Variants in TCERG1L observed in about 807,000 individuals in gnomAD.
The protein encoded by TCERG1L is transcription elongation regulator 1-like protein.
A neutral mutation model predicts 56.3 loss-of-function variants in TCERG1L; 37 were observed. That is an observed-to-expected ratio of 0.66 (90% CI 0.51 to 0.87). The LOEUF (loss-of-function observed/expected upper bound fraction) is 0.87, where lower values mean the gene tolerates loss of function less well. TCERG1L is among the 40% of genes least tolerant of loss of function. The pLI is 0.00. For synonymous variants in TCERG1L, 324 were observed against 326.3 expected, an observed-to-expected ratio of 0.99 and a Z score of 0.08; for missense variants, 799 against 774.2, an observed-to-expected ratio of 1.03 and a Z score of -0.38.
chr10:131,289,117 G>C (rs1846578436), intron 3 of TCERG1L, among the ~76,000 whole-genome samples: 1 of 151,410 alleles, frequency 6.6e-6, no homozygotes, highest in Non-Finnish European at 1.5e-5. Flanking sequence ...TTTAAAAACA[G>C]ATTGCTTCGC....
At chr10:131,136,289 C>G (rs1845674562) in intron 7 of TCERG1L, among the ~76,000 whole-genome samples, 1 of 152,222 alleles carries the variant, frequency 6.6e-6, no homozygotes, top group Non-Finnish European at 1.5e-5. Flanking sequence ...CACTTTATGC[C>G]CCCTGCTTCC....
intron 8 of TCERG1L, among the ~76,000 whole-genome samples, chr10:131,122,017 C>T (rs1845519433): frequency 6.6e-6 from 1 of 152,238 alleles, no homozygotes; most frequent in African/African-American, 2.4e-5. Flanking sequence ...ATGTCTCTTG[C>T]AGCCTCACTT....
intron 4 of TCERG1L, among the ~76,000 whole-genome samples, chr10:131,188,421 A>C (rs1013669980): frequency 6.6e-5 from 10 of 152,232 alleles, no homozygotes; most frequent in African/African-American, 2.4e-4. Context: ...CTGGAACTGT[A>C]TAGACCACAG....
At chr10:131,307,599 A>C (rs1035201665) in intron 3 of TCERG1L, among the ~76,000 whole-genome samples, 9 of 152,364 alleles carry the variant, frequency 5.9e-5, no homozygotes, top group African/African-American at 2.2e-4. Context: ...TTAAAAATTC[A>C]TAAGATGATT....
chr10:131,293,870 T>C (rs549742556), intron 3 of TCERG1L, among the ~76,000 whole-genome samples: 5 of 152,342 alleles, frequency 3.3e-5, no homozygotes, highest in African/African-American at 1.2e-4. Flanking sequence ...TAATTTTTAC[T>C]TCTGTTTCAC....
intron 6 of TCERG1L, chr10:131,161,362 G>T (rs762752932): frequency 6.6e-6 from 1 of 152,244 alleles, no homozygotes; most frequent in Non-Finnish European, 1.5e-5. Flanking sequence ...AAAGGATGTC[G>T]GATGCCACTG....
chr10:131,294,077 C>A (rs1043925245), intron 3 of TCERG1L, among the ~76,000 whole-genome samples: 1 of 152,026 alleles, frequency 6.6e-6, no homozygotes, highest in Non-Finnish European at 1.5e-5. Flanking sequence ...ATTATGAAAT[C>A]TTTCAACAAT....
At chr10:131,223,564 C>G (rs891473638) in intron 4 of TCERG1L, among the ~76,000 whole-genome samples, 3 of 150,728 alleles carry the variant, frequency 2.0e-5, no homozygotes, top group African/African-American at 7.4e-5. Flanking sequence ...AAACCAACAG[C>G]TACAAAAATA....
At chr10:131,141,417 C>T (rs189199032) in intron 7 of TCERG1L, among the ~76,000 whole-genome samples, 2 of 151,918 alleles carry the variant, frequency 1.3e-5, no homozygotes, top group African/African-American at 2.4e-5. Context: ...GGCTGCTGCG[C>T]GGGGTCACCC....
intron 4 of TCERG1L, among the ~76,000 whole-genome samples, chr10:131,207,154 C>G (rs975410323): frequency 1.3e-5 from 2 of 152,064 alleles, no homozygotes; most frequent in African/African-American, 4.8e-5. Context: ...ACCCCAATCC[C>G]CTCACTTGCC....
At chr10:131,303,389 T>C (rs1423426174) in intron 3 of TCERG1L, among the ~76,000 whole-genome samples, 1 of 152,066 alleles carries the variant, frequency 6.6e-6, no homozygotes, top group Non-Finnish European at 1.5e-5. Flanking sequence ...GATGATGAGC[T>C]TTTTTTATAT....
intron 3 of TCERG1L, among the ~76,000 whole-genome samples, chr10:131,273,064 G>T (rs1220252090): frequency 6.6e-6 from 1 of 152,206 alleles, no homozygotes; most frequent in African/African-American, 2.4e-5. Context: ...GTCCACAGTG[G>T]AGTGGGCCCG....
chr10:131,146,377 C>G, intron 7 of TCERG1L, 129 bp downstream of exon 7: 1 of 1,067,928 alleles, frequency 9.4e-7, no homozygotes, highest in South Asian at 2.7e-5. Flanking sequence ...ACTCTGCAAT[C>G]GGGCACAGGA....
At chr10:131,301,062 T>A (rs1012515717) in intron 3 of TCERG1L, among the ~76,000 whole-genome samples, 4 of 152,050 alleles carry the variant, frequency 2.6e-5, no homozygotes, top group Admixed American at 2.6e-4. Flanking sequence ...CAGCCTTACA[T>A]CCCTGCACCA....
chr10:131,285,465 G>GAAGAAAGAAAGA lies in TCERG1L; in HGVS notation c.670+22734_670+22745dup, dbSNP rs1212795487. Among the ~76,000 whole-genome samples, 26 of 103,986 alleles carry GAAGAAAGAAAGA rather than the reference G, an allele frequency of 2.5e-4. 1 individual carries two copies. Among genetic ancestry groups the GAAGAAAGAAAGA allele is most frequent in the African/African-American group, 1.0e-3 (26 of 25,052 alleles). 68.2% of individuals were successfully genotyped at this position (103,986 alleles called of 152,430 possible). A position where few individuals can be genotyped will look rare whatever the true frequency, so the allele number is the denominator to read the frequency against. ...AGAAACAAAGAAAGAGAGAGAAAGG[G>GAAGAAAGAAAGA]AAGAAAGAAAGAAAGAAAGAAAGAA... On this transcript the variant is annotated intron_variant, in intron 3 of 11. Transcript: ENST00000368642.
intron 6 of TCERG1L, among the ~76,000 whole-genome samples, chr10:131,159,139 G>A (rs1473384389): frequency 6.6e-6 from 1 of 152,240 alleles, no homozygotes; most frequent in Non-Finnish European, 1.5e-5. Context: ...GCAGGAAAAG[G>A]GGCAGTGTGC....
rs1482209914 is a variant in TCERG1L, at chr10:131,191,757, C to T, written c.857-24872G>A. ...CCTGAAACTTGTAGTCCCAGCTACT[C>T]GGGAGGCTGAGGCAGGAGAATAGCG... On this transcript the variant is annotated intron_variant, in intron 4 of 11. Coordinates refer to ENST00000368642, the MANE Select transcript of TCERG1L (RefSeq NM_174937.4). Among the ~76,000 whole-genome samples, 13 of 129,498 alleles carry T rather than the reference C, an allele frequency of 1.0e-4. No individual in the cohort carries two copies. The Admixed American group carries it at 1.1e-3, about 11-fold the overall frequency. 85.0% of individuals were successfully genotyped at this position (129,498 alleles called of 152,430 possible).
At chr10:131,149,877 G>A (rs893803453) in intron 6 of TCERG1L, among the ~76,000 whole-genome samples, 12 of 152,316 alleles carry the variant, frequency 7.9e-5, no homozygotes, top group Admixed American at 7.2e-4. Flanking sequence ...CAGCATGTCA[G>A]GACCAGAGGA....
intron 8 of TCERG1L, among the ~76,000 whole-genome samples, chr10:131,117,678 C>T (rs1208213469): frequency 6.6e-6 from 1 of 152,172 alleles, no homozygotes; most frequent in Admixed American, 6.5e-5. Context: ...GGCTGGGCAG[C>T]TCACCAGCAC....
Sources: allele counts gnomAD v4.1 joint callset (sites outside exome capture counted in the v4.1 genomes callset), GRCh38; gene constraint gnomAD v4.1.1; transcripts MANE v1.5; gene names NCBI Gene and HGNC (gene_info 2026-07-23, HGNC 2026-07-21).